The following DEUP1 variants were observed in gnomAD, a reference collection of about 807,000 sequenced individuals.
The protein encoded by DEUP1 is coiled-coil domain containing 67.
A neutral mutation model predicts 87.4 loss-of-function variants in DEUP1; 82 were observed. The observed-to-expected ratio is 0.94, with a 90% CI of 0.78 to 1.13. The LOEUF is 1.13. Among genes scored for constraint, DEUP1 ranks in the 50% most tolerant of loss-of-function variants. The probability of loss-of-function intolerance (pLI) is 0.00; values close to 1 mark genes in which losing one functional copy is unlikely to be tolerated. For synonymous variants in DEUP1, 214 were observed against 222.7 expected (o/e 0.96, Z 0.35); for missense variants, 663 against 681.5 (o/e 0.97, Z 0.30).
Position 93,415,134 on chromosome 11 carries a change from C to T in DEUP1, c.1638+20C>T. On this transcript the variant is annotated intron_variant, in intron 13 of 13. Coordinates refer to ENST00000298050, the MANE Select transcript of DEUP1 (RefSeq NM_181645.4). Reference sequence around the variant, plus strand: ...CCACTGGTGAGTTGCTGGTTGTGGGCTTTTTTTTTCTTTAATGGGTTATTG... The same window carrying T: ...CCACTGGTGAGTTGCTGGTTGTGGGTTTTTTTTTTCTTTAATGGGTTATTG... 1 of 1,386,014 alleles carries T rather than the reference C, an allele frequency of 7.2e-7. No individual in the cohort carries two copies. Among genetic ancestry groups the T allele is most frequent in the Non-Finnish European group, 1.0e-6 (1 of 980,728 alleles). 85.9% of individuals were successfully genotyped at this position (1,386,014 alleles called of 1,614,324 possible). A position where few individuals can be genotyped will look rare whatever the true frequency, so the allele number is the denominator to read the frequency against.
At chr11:93,352,208 C>CAGCCACACAAATACATTAGA (rs1438967696) in intron 2 of DEUP1, 10 of 578,838 alleles carry the variant, frequency 1.7e-5, no homozygotes, top group Non-Finnish European at 3.1e-5. Context: ...GTCCTCCTCC[C>CAGCCACACAAATACATTAGA]AGCCACACAA....
At position 93,339,856 on chromosome 11, in the gene DEUP1, T is replaced by A. The variant is rs1565290443; in HGVS notation, c.29+7568T>A. Among the ~76,000 whole-genome samples, 4 of 152,142 alleles carry A rather than the reference T, an allele frequency of 2.6e-5. No homozygotes were observed. The South Asian group carries it at 8.3e-4, about 32-fold the overall frequency. ...CCAGCAGTAATGAGGAGTTCCTCCC[T>A]CCAAGTGGCAACAGAGGCTGAGTCG... On this transcript the variant is annotated intron_variant, in intron 2 of 13. Coordinates refer to ENST00000298050, the MANE Select transcript of DEUP1 (RefSeq NM_181645.4).
At chr11:93,430,494 A>G (rs1293761294) in intron 13 of DEUP1, among the ~76,000 whole-genome samples, 1 of 152,240 alleles carries the variant, frequency 6.6e-6, no homozygotes, top group Non-Finnish European at 1.5e-5. Context: ...ACAAAAGGCT[A>G]TATTGTATAA....
At position 93,383,580 on chromosome 11, in the gene DEUP1, G is replaced by A. The variant is rs766994046; in HGVS notation, c.790-1818G>A. 6.0e-6 allele frequency: 4 copies of A among 664,300 alleles called. No homozygotes were observed. In the South Asian group the frequency reaches 6.8e-5, roughly 11 times the overall value. The allele number at this position is 664,300 out of a possible 1,614,324, so 41.2% of individuals were successfully genotyped here. On this transcript the variant is annotated intron_variant, in intron 7 of 13. Transcript: ENST00000298050. ...CTTTGTGACTAAATTGAAAACTGCT[G>A]GATTGTACACTTTAAATGGGCGAAT... is the stretch of plus-strand genomic sequence containing the variant.
chr11:93,357,072 AC>A, intron 4 of DEUP1, 29 bp downstream of exon 4: 1 of 1,305,298 alleles, frequency 7.7e-7, no homozygotes, highest in Non-Finnish European at 1.1e-6. Flanking sequence ...ATTTAATATC[AC>A]ACATTTTGAT....
chr11:93,383,469 G>GA, intron 7 of DEUP1: 1 of 513,554 alleles, frequency 1.9e-6, no homozygotes, highest in Non-Finnish European at 3.5e-6. Flanking sequence ...GGAGGAAGGG[G>GA]AAAATGGGGA....
At chr11:93,330,354 C>T (rs1396940677), upstream of DEUP1, 1 of 152,480 alleles carries the variant, frequency 6.6e-6, no homozygotes, top group Non-Finnish European at 1.5e-5. Flanking sequence ...TATTTCCGGG[C>T]TGCAGCTTGG....
chr11:93,437,743 T>TG lies in DEUP1; in HGVS notation c.*24_*25insG. On this transcript the variant is annotated 3_prime_UTR_variant, in exon 14 of 14. Transcript: ENST00000298050. ...GAGCTTTTAAACTTTTTTATTTGCT[T>TG]CCCCCCCCCACCCCCGCCAAGAAAA... 1 of 927,222 alleles carries TG rather than the reference T, an allele frequency of 1.1e-6. No homozygotes were observed. Among genetic ancestry groups the TG allele is most frequent in the Non-Finnish European group, 1.6e-6 (1 of 624,588 alleles). The allele number at this position is 927,222 out of a possible 1,614,324, so 57.4% of individuals were successfully genotyped here. A position where few individuals can be genotyped will look rare whatever the true frequency, so the allele number is the denominator to read the frequency against.
At chr11:93,369,954 AAG>A in intron 5 of DEUP1, 117 bp from the exon 6 acceptor site, 1 of 541,640 alleles carries the variant, frequency 1.8e-6, no homozygotes, top group Non-Finnish European at 3.3e-6. Flanking sequence ...AAAAAAAAAA[AAG>A]AATGGATTTA....
Position 93,418,097 on chromosome 11 carries a change from T to A in DEUP1, c.1638+2983T>A, listed in dbSNP as rs537679727. 3.9e-4 allele frequency among the ~76,000 whole-genome samples: 59 copies of A among 152,218 alleles called. 1 individual carries two copies. Among genetic ancestry groups the A allele is most frequent in the African/African-American group, 1.3e-3 (54 of 41,548 alleles). ...AAAACTGTAGAAGAAAACCTAGGCA[T>A]TACCATTCAGGACATAGGCACGGGC... On this transcript the variant is annotated intron_variant, in intron 13 of 13. Transcript: ENST00000298050.
chr11:93,364,109 G>T, intron 4 of DEUP1, 51 bp from the exon 5 acceptor site: 2 of 1,338,404 alleles, frequency 1.5e-6, no homozygotes, highest in Non-Finnish European at 2.1e-6. Flanking sequence ...GTGAAATCAG[G>T]TTAGAAATAA....
chr11:93,393,800 T>G (rs1482068994), intron 9 of DEUP1, among the ~76,000 whole-genome samples: 1 of 151,898 alleles, frequency 6.6e-6, no homozygotes, highest in Non-Finnish European at 1.5e-5. Context: ...TTAAAAGAGG[T>G]TGAAATAGAA....
At chr11:93,388,983 G>A in intron 8 of DEUP1, 37 bp from the exon 9 acceptor site, 1 of 1,126,808 alleles carries the variant, frequency 8.9e-7, no homozygotes, top group Non-Finnish European at 1.3e-6. Context: ...ATCAAGTTAA[G>A]CTTAATTTTA....
intron 2 of DEUP1, among the ~76,000 whole-genome samples, chr11:93,335,602 A>G (rs984990897): frequency 1.3e-5 from 2 of 152,334 alleles, no homozygotes; most frequent in Non-Finnish European, 2.9e-5. Flanking sequence ...GTTTATGCGT[A>G]TATCTTCTCA....
intron 7 of DEUP1, among the ~76,000 whole-genome samples, chr11:93,371,960 G>T (rs11020284): frequency 7.0e-6 from 1 of 142,142 alleles, no homozygotes; most frequent in Non-Finnish European, 1.5e-5. Flanking sequence ...ACGGAGTCTC[G>T]CTCTGTCGCC....
At chr11:93,396,423 G>A (rs1384138077) in intron 11 of DEUP1, 98 bp downstream of exon 11, 1 of 706,798 alleles carries the variant, frequency 1.4e-6, no homozygotes, top group African/African-American at 1.8e-5. Flanking sequence ...CTGTGTGTTA[G>A]ACATGAAGGA....
intron 11 of DEUP1, among the ~76,000 whole-genome samples, chr11:93,404,118 G>T (rs966892165): frequency 6.6e-6 from 1 of 151,998 alleles, no homozygotes; most frequent in African/African-American, 2.4e-5. Flanking sequence ...CAGCCACCCA[G>T]TTCTAGGAAT....
intron 11 of DEUP1, among the ~76,000 whole-genome samples, chr11:93,400,878 A>T (rs1335803602): frequency 3.3e-5 from 5 of 152,130 alleles, no homozygotes; most frequent in Non-Finnish European, 2.9e-5. Flanking sequence ...TTCCTCCAAG[A>T]TCTGGAATAA....
At chr11:93,430,858 A>G (rs1290846937) in intron 13 of DEUP1, among the ~76,000 whole-genome samples, 2 of 152,052 alleles carry the variant, frequency 1.3e-5, no homozygotes, top group East Asian at 3.9e-4. Context: ...CACTTTGGGA[A>G]GCCGAGGTGG....
Sources: allele counts gnomAD v4.1 joint callset (sites outside exome capture counted in the v4.1 genomes callset), GRCh38; gene constraint gnomAD v4.1.1; transcripts MANE v1.5; gene names NCBI Gene and HGNC (gene_info 2026-07-23, HGNC 2026-07-21).